The following TMEM94 variants were observed in gnomAD, a reference collection of about 807,000 sequenced individuals.
TMEM94 encodes ER Mg2+ ATPase.
A neutral mutation model predicts 158.6 loss-of-function variants in TMEM94; 81 were observed. The observed-to-expected ratio is 0.51, with a 90% CI of 0.43 to 0.61. The LOEUF is 0.61. Among genes scored for constraint, TMEM94 ranks in the 20% least tolerant of loss-of-function variants. TMEM94 has a pLI of 0.00. For missense variants in TMEM94, 1,435 were observed against 1,762.0 expected (o/e 0.81, Z 3.32); for synonymous variants, 751 against 730.7 (o/e 1.03, Z -0.45).
Position 75,496,078 on chromosome 17 carries a change from A to C in TMEM94, c.3053+4A>C. On this transcript the variant is annotated splice_donor_region_variant and intron_variant, in intron 23 of 31. Coordinates refer to ENST00000314256, the MANE Select transcript of TMEM94 (RefSeq NM_014738.6). ...TCTTCCTCCAGAGCGACATCAGGTC[A>C]GGGCGGGACCCTGGAGCCTGCGGGC... The C allele has an allele frequency of 6.2e-7, 1 of 1,606,044 alleles. No individual in the cohort carries two copies. The highest frequency in any genetic ancestry group is 8.5e-7 in the Non-Finnish European group (1 of 1,176,360).
At position 75,495,619 on chromosome 17, in the gene TMEM94, C is replaced by T; in HGVS notation, c.2920C>T (p.Leu974Phe). The T allele has an allele frequency of 6.2e-7, 1 of 1,613,594 alleles. No homozygotes were observed. The highest frequency in any genetic ancestry group is 8.5e-7 in the Non-Finnish European group (1 of 1,180,016). ...NIDNVPLLVP[L>F]FTDCTPETMC... is the part of the protein sequence containing the mutation. ...TGACAACGTGCCCCTGCTAGTGCCC[C>T]TTTTCACCGACTGCACCCCAGAGAG... is the stretch of plus-strand genomic sequence containing the variant. Residue 974 changes from leucine (L) to phenylalanine (F), a missense_variant, in exon 22 of 32, where the codon CTT becomes TTT. Leu to Phe is a conservative substitution (Grantham distance 22). Coordinates refer to ENST00000314256, the MANE Select transcript of TMEM94 (RefSeq NM_014738.6). The surrounding 1 kb of genome is among the most constrained non-coding windows in gnomAD (Gnocchi z 5.6).
rs767201341 is a variant in TMEM94, at chr17:75,492,692, C to G, written c.1815C>G (p.Phe605Leu). Residue 605 changes from phenylalanine (F) to leucine (L), a missense_variant, in exon 15 of 32, where the codon TTC (phenylalanine) becomes TTG (leucine). Transcript: ENST00000314256. The surrounding 1 kb of genome is among the most constrained non-coding windows in gnomAD (Gnocchi z 4.4). ...GCGTCACCGAGCGCCTGTGCCGATT[C>G]TCCGACCACCTGTGCAACATCGCCC... ...DASVTERLCRFSDHLCNIALQ... is the reference protein window; with the variant it reads ...DASVTERLCRLSDHLCNIALQ... 2 of 1,613,448 alleles carry G rather than the reference C, an allele frequency of 1.2e-6. No homozygotes were observed. Among genetic ancestry groups the G allele is most frequent in the Non-Finnish European group, 1.7e-6 (2 of 1,179,996 alleles).
At chr17:75,458,409 C>T (rs2049957394) in intron 1 of TMEM94, among the ~76,000 whole-genome samples, 1 of 152,126 alleles carries the variant, frequency 6.6e-6, no homozygotes, top group Admixed American at 6.6e-5. Context: ...AAAGCAATGG[C>T]ACTAGTAAGG....
At position 75,498,634 on chromosome 17, in the gene TMEM94, A is replaced by G. The variant is rs2052988573; in HGVS notation, c.3739A>G (p.Ile1247Val). ...AALIVLHTVF[I>V]SITHVHRTKP... The stretch of plus-strand genomic sequence containing the variant: ...CATCGCCCCACCTTCCCCAGTCTTC[A>G]TTTCCATCACCCATGTGCATCGCAC... Residue 1247 changes from isoleucine (I) to valine (V), a missense_variant, in exon 30 of 32, where the codon ATT becomes GTT. Physicochemically the swap from Ile to Val is conservative, Grantham distance 29 (BLOSUM62 3). Transcript: ENST00000314256. This position sits in a 1 kb window ranked among gnomAD's most constrained non-coding sequence, Gnocchi z 6.7. 1.2e-6 allele frequency: 2 copies of G among 1,611,302 alleles called. No individual in the cohort carries two copies. Among genetic ancestry groups the G allele is most frequent in the East Asian group, 2.2e-5 (1 of 44,868 alleles).
intron 2 of TMEM94, among the ~76,000 whole-genome samples, chr17:75,473,397 G>T (rs1367038095): frequency 6.6e-6 from 1 of 152,220 alleles, no homozygotes; most frequent in Non-Finnish European, 1.5e-5. Context: ...GCTCTGCACT[G>T]CTCAGTTCCA....
chr17:75,497,961 G>A lies in TMEM94; in HGVS notation c.3489+99G>A, dbSNP rs78119050. ...CTAATCTGGAAGGCTCTGGATGGGG[G>A]ATTCCAGCAGAACTCCGGCACTTGG... is the stretch of plus-strand genomic sequence containing the variant. On this transcript the variant is annotated intron_variant, in intron 27 of 31. Transcript: ENST00000314256. 5.5e-3 allele frequency: 6,791 copies of A among 1,223,896 alleles called. 232 individuals carry two copies. In the Admixed American group the frequency reaches 0.063, roughly 11 times the overall value. The allele number at this position is 1,223,896 out of a possible 1,614,324, so 75.8% of individuals were successfully genotyped here.
chr17:75,467,520 CTTTTTTTTTT>C (rs947595391), intron 1 of TMEM94, among the ~76,000 whole-genome samples: 2 of 99,146 alleles, frequency 2.0e-5, no homozygotes, highest in South Asian at 3.4e-4. Flanking sequence ...ATTTCTTTTT[CTTTTTTTTTT>C]TTTTTTTTTT....
Position 75,493,889 on chromosome 17 carries a change from G to C in TMEM94, c.2380G>C (p.Ala794Pro), listed in dbSNP as rs200209004. Residue 794 changes from alanine (A) to proline (P), a missense_variant, in exon 18 of 32, where the codon GCC becomes CCC. Transcript: ENST00000314256. Reference sequence around the variant, plus strand: ...CAGCACCATCCCCATCAAGCAGAACGCCCGCCGCAGCAGCTGGAGCTCTGA... The same window carrying C: ...CAGCACCATCCCCATCAAGCAGAACCCCCGCCGCAGCAGCTGGAGCTCTGA... ...LPSTIPIKQN[A>P]RRSSWSSDEG... The C allele has an allele frequency of 5.6e-6, 9 of 1,610,310 alleles. No homozygotes were observed. The highest frequency in any genetic ancestry group is 8.5e-7 in the Non-Finnish European group (1 of 1,179,740).
Position 75,489,680 on chromosome 17 carries a change from C to G in TMEM94, c.954+18C>G, listed in dbSNP as rs751525476. ...AGCTCCAGGCAAGGACCACCCTGTCCTCTCTGTCATGCTTCCCTCCGACCC... is the reference window on the plus strand; with the variant it reads ...AGCTCCAGGCAAGGACCACCCTGTCGTCTCTGTCATGCTTCCCTCCGACCC... On this transcript the variant is annotated intron_variant, in intron 9 of 31. Transcript: ENST00000314256. This position sits in a 1 kb window ranked among gnomAD's most constrained non-coding sequence, Gnocchi z 5.0. 2 of 1,601,792 alleles carry G rather than the reference C, an allele frequency of 1.2e-6. No homozygotes were observed. The highest frequency in any genetic ancestry group is 1.7e-6 in the Non-Finnish European group (2 of 1,169,104).
At chr17:75,482,955 C>T (rs1002319487) in intron 2 of TMEM94, among the ~76,000 whole-genome samples, 24 of 152,182 alleles carry the variant, frequency 1.6e-4, no homozygotes, top group African/African-American at 5.8e-4. Context: ...CTGTAAGGTG[C>T]AGGCTGCAGG....
chr17:75,493,139 C>T lies in TMEM94; in HGVS notation c.2086+37C>T, dbSNP rs7215753. 5.1e-5 allele frequency: 82 copies of T among 1,596,678 alleles called. No homozygotes were observed. The East Asian group carries it at 1.6e-3, about 31-fold the overall frequency. ...CTACGTTGGCCAGCACCAGGCGAGA[C>T]CTTCCAGAGCTTGGCAGGGGGGCTC... On this transcript the variant is annotated intron_variant, in intron 16 of 31. Transcript: ENST00000314256.
At chr17:75,484,373 G>C (rs1006845450) in intron 2 of TMEM94, among the ~76,000 whole-genome samples, 15 of 137,746 alleles carry the variant, frequency 1.1e-4, no homozygotes. Context: ...GTCTTTCCTA[G>C]GAACAGTGAA....
Position 75,498,781 on chromosome 17 carries a change from G to C in TMEM94, c.3827+59G>C, listed in dbSNP as rs1333736642. On this transcript the variant is annotated intron_variant, in intron 30 of 31. Coordinates refer to ENST00000314256, the MANE Select transcript of TMEM94 (RefSeq NM_014738.6). This position sits in a 1 kb window ranked among gnomAD's most constrained non-coding sequence, Gnocchi z 6.7. ...GCTGGGGAGGAGAGGGCCTTCTGCA[G>C]GGCTAGGATCGGAGGGCGGGACCGG... 4 of 1,530,438 alleles carry C rather than the reference G, an allele frequency of 2.6e-6. No homozygotes were observed. In the South Asian group the frequency reaches 5.1e-5, roughly 20 times the overall value. 94.8% of individuals were successfully genotyped at this position (1,530,438 alleles called of 1,614,324 possible).
chr17:75,469,163 A>G (rs1015202239), intron 1 of TMEM94, among the ~76,000 whole-genome samples: 6 of 151,992 alleles, frequency 3.9e-5, no homozygotes, highest in African/African-American at 1.4e-4. Context: ...CAACCACGTG[A>G]GGGGCTGCGG....
chr17:75,470,822 GAC>G (rs1277407087), intron 1 of TMEM94, among the ~76,000 whole-genome samples: 2 of 151,626 alleles, frequency 1.3e-5, no homozygotes, highest in African/African-American at 4.9e-5. Context: ...GAGGGGCTGA[GAC>G]AGGAGAATCA....
At chr17:75,483,149 G>T (rs2051307806) in intron 2 of TMEM94, among the ~76,000 whole-genome samples, 1 of 152,178 alleles carries the variant, frequency 6.6e-6, no homozygotes, top group Admixed American at 6.5e-5. Context: ...GAGCTGAAGG[G>T]GCTCGGCTCG....
At chr17:75,493,335 T>G in intron 16 of TMEM94, 156 bp from the exon 17 acceptor site, 1 of 857,266 alleles carries the variant, frequency 1.2e-6, no homozygotes, top group Non-Finnish European at 1.8e-6. Context: ...CCAAGCCCAG[T>G]GGCATTGCAG....
chr17:75,464,091 G>T (rs931356274), intron 1 of TMEM94, among the ~76,000 whole-genome samples: 4 of 152,162 alleles, frequency 2.6e-5, no homozygotes, highest in Middle Eastern at 3.2e-3. Context: ...TGAGCCTTGG[G>T]CTCCCACTTA....
In TMEM94 at chr17:75,487,823, C is replaced by T; in HGVS notation, c.410-109C>T. The T allele has an allele frequency of 1.1e-6, 1 of 892,412 alleles. No homozygotes were observed. Among genetic ancestry groups the T allele is most frequent in the Non-Finnish European group, 1.8e-6 (1 of 557,036 alleles). The allele number at this position is 892,412 out of a possible 1,614,324, so 55.3% of individuals were successfully genotyped here. Reference sequence around the variant, plus strand: ...ACGAGTGGAGGGGTTTGACGCAGACCTCCTGGGAGAGGAAGTGGGCAGACA... The same window carrying T: ...ACGAGTGGAGGGGTTTGACGCAGACTTCCTGGGAGAGGAAGTGGGCAGACA... On this transcript the variant is annotated intron_variant, in intron 5 of 31. Transcript: ENST00000314256. This position sits in a 1 kb window ranked among gnomAD's most constrained non-coding sequence, Gnocchi z 4.6.
Sources: allele counts gnomAD v4.1 joint callset (sites outside exome capture counted in the v4.1 genomes callset), GRCh38; gene constraint gnomAD v4.1.1; non-coding constraint Gnocchi (gnomAD v3.1); transcripts MANE v1.5; gene names NCBI Gene and HGNC (gene_info 2026-07-23, HGNC 2026-07-21).